The following GLIPR1 variants were observed in gnomAD, a reference collection of about 807,000 sequenced individuals.
GLIPR1 encodes glioma pathogenesis-related protein 1.
A neutral mutation model predicts 30.3 loss-of-function variants in GLIPR1; 38 were observed. The observed-to-expected ratio is 1.26, with a 90% CI of 0.97 to 1.65. GLIPR1 has a LOEUF of 1.65. Ranked by LOEUF, GLIPR1 falls within the 40% of genes most tolerant of loss-of-function variation. The pLI is 0.00. For synonymous variants in GLIPR1, 122 were observed against 110.6 expected (o/e 1.10, Z -0.65); for missense variants, 285 against 326.5 (o/e 0.87, Z 0.98).
chr12:75,501,984 G>A lies in GLIPR1; in HGVS notation c.*3006G>A. On this transcript the variant is annotated 3_prime_UTR_variant, in exon 6 of 6. Coordinates refer to ENST00000266659, the MANE Select transcript of GLIPR1 (RefSeq NM_006851.3). The stretch of plus-strand genomic sequence containing the variant: ...TGCCTTCAAAAAGTATTCACCACTA[G>A]CCAATTCTTTATCGATCTGTTGAAA... The A allele has an allele frequency of 6.2e-7, 1 of 1,611,408 alleles. No individual in the cohort carries two copies. The highest frequency in any genetic ancestry group is 8.5e-7 in the Non-Finnish European group (1 of 1,178,646).
chr12:75,488,300 G>A (rs558247639), intron 2 of GLIPR1, among the ~76,000 whole-genome samples: 78 of 152,306 alleles, frequency 5.1e-4, no homozygotes, highest in African/African-American at 1.6e-3. Context: ...CACTTTGGGA[G>A]GCCGAGGCAG....
intron 4 of GLIPR1, chr12:75,497,261 A>T (rs543373598): frequency 6.6e-6 from 1 of 152,296 alleles, no homozygotes; most frequent in South Asian, 2.1e-4. Context: ...TGACAAAAAT[A>T]CTTCTGGTTT....
intron 2 of GLIPR1, among the ~76,000 whole-genome samples, chr12:75,482,777 T>C (rs942971478): frequency 1.3e-5 from 2 of 151,904 alleles, no homozygotes; most frequent in African/African-American, 4.8e-5. Flanking sequence ...ACCTCACATT[T>C]GCAGCATGAT....
Position 75,501,538 on chromosome 12 carries a change from T to C in GLIPR1, c.*2560T>C, listed in dbSNP as rs915341336. 3 of 562,992 alleles carry C rather than the reference T, an allele frequency of 5.3e-6. No individual in the cohort carries two copies. Among genetic ancestry groups the C allele is most frequent in the Non-Finnish European group, 9.4e-6 (3 of 318,542 alleles). 34.9% of individuals were successfully genotyped at this position (562,992 alleles called of 1,614,324 possible). On this transcript the variant is annotated 3_prime_UTR_variant, in exon 6 of 6. Transcript: ENST00000266659. ...ACTGTCAATCCAGTTTGCACTGAAA[T>C]AGGCATTAGCTGCCTCTAAATTATA...
chr12:75,482,129 A>C, intron 2 of GLIPR1, 50 bp downstream of exon 2: 1 of 1,528,214 alleles, frequency 6.5e-7, no homozygotes, highest in East Asian at 2.3e-5. Context: ...AAGTATGAGG[A>C]GAAAAATTGT....
intron 3 of GLIPR1, chr12:75,493,877 T>A (rs2046336242): frequency 1.3e-5 from 2 of 152,214 alleles, no homozygotes; most frequent in Non-Finnish European, 2.9e-5. Context: ...TTTAGCTTAT[T>A]TTTAAGTAGC....
chr12:75,490,235 C>CACACA (rs1566097391), intron 2 of GLIPR1, among the ~76,000 whole-genome samples, 171 bp from the exon 3 acceptor site: 1 of 109,630 alleles, frequency 9.1e-6, no homozygotes, highest in African/African-American at 3.4e-5. Context: ...ACACACACAC[C>CACACA]CCAATAATGG....
chr12:75,483,518 T>C (rs2046280743), intron 2 of GLIPR1: 2 of 152,194 alleles, frequency 1.3e-5, no homozygotes, highest in South Asian at 4.1e-4. Flanking sequence ...AAATAGGGAA[T>C]GAGCCAGGGA....
rs1401828571 is a variant in GLIPR1 at position 75,502,872 on chromosome 12, T to A, written c.*3894T>A. ...GTTTAATGACTGCATCACTCCACTT[T>A]CCCCCTAACTACTATCAATTTCCTC... On this transcript the variant is annotated 3_prime_UTR_variant, in exon 6 of 6. Coordinates refer to ENST00000266659, the MANE Select transcript of GLIPR1 (RefSeq NM_006851.3). 6.6e-6 allele frequency: 1 copy of A among 152,004 alleles called. No individual in the cohort carries two copies. The highest frequency in any genetic ancestry group is 1.5e-5 in the Non-Finnish European group (1 of 67,926). 9.4% of individuals were successfully genotyped at this position (152,004 alleles called of 1,614,324 possible).
intron 1 of GLIPR1, 160 bp downstream of exon 1, chr12:75,481,214 GCT>G: frequency 1.9e-6 from 1 of 525,174 alleles, no homozygotes; most frequent in East Asian, 3.2e-5. Context: ...ATCCAGTTTA[GCT>G]CTGTCTACCC....
In GLIPR1 at chr12:75,499,642, A is replaced by C; in HGVS notation, c.*664A>C. 1 of 372,006 alleles carries C rather than the reference A, an allele frequency of 2.7e-6. No individual in the cohort carries two copies. The highest frequency in any genetic ancestry group is 4.8e-5 in the East Asian group (1 of 20,970). The allele number at this position is 372,006 out of a possible 1,614,324, so 23.0% of individuals were successfully genotyped here. A position where few individuals can be genotyped will look rare whatever the true frequency, so the allele number is the denominator to read the frequency against. ...ACTTTCTCGTATAAATTTTTCAAAA[A>C]ATACAATAATAATATAATTTATAAA... On this transcript the variant is annotated 3_prime_UTR_variant, in exon 6 of 6. Transcript: ENST00000266659.
intron 3 of GLIPR1, chr12:75,493,425 A>AATC (rs1235017348): frequency 6.6e-6 from 1 of 152,162 alleles, no homozygotes; most frequent in East Asian, 1.9e-4. Flanking sequence ...TGGGATGCTT[A>AATC]ATCTTCCAGT....
chr12:75,499,771 C>T lies in GLIPR1; in HGVS notation c.*793C>T. 1 of 1,486,674 alleles carries T rather than the reference C, an allele frequency of 6.7e-7. No individual in the cohort carries two copies. The highest frequency in any genetic ancestry group is 9.0e-7 in the Non-Finnish European group (1 of 1,110,554). 92.1% of individuals were successfully genotyped at this position (1,486,674 alleles called of 1,614,324 possible). On this transcript the variant is annotated 3_prime_UTR_variant, in exon 6 of 6. Transcript: ENST00000266659. ...ATGCCTGATATCTCAAAATCCTTTA[C>T]AAAAGGAGATAGTTCTAGTCAAGGA...
chr12:75,488,245 G>A (rs1025965801), intron 2 of GLIPR1, among the ~76,000 whole-genome samples: 30 of 152,126 alleles, frequency 2.0e-4, no homozygotes, highest in African/African-American at 5.6e-4. Context: ...TATTCGAGAC[G>A]GAGTTGTTAG....
At chr12:75,489,069 T>A (rs997797317) in intron 2 of GLIPR1, among the ~76,000 whole-genome samples, 9 of 152,230 alleles carry the variant, frequency 5.9e-5, no homozygotes, top group Non-Finnish European at 1.0e-4. Context: ...CTTTAAATAC[T>A]CTCTTCTTTA....
At chr12:75,496,096 C>T (rs61933361) in intron 4 of GLIPR1, 35,583 of 149,696 alleles carry the variant, frequency 0.24, 4,482 homozygotes, top group Middle Eastern at 0.32. Flanking sequence ...CTCCATCTCA[C>T]GGGTTCAGGC....
chr12:75,489,850 A>C (rs1332931645), intron 2 of GLIPR1: 2 of 152,498 alleles, frequency 1.3e-5, no homozygotes, highest in African/African-American at 2.4e-5. Context: ...CATAGCACTC[A>C]CAAGAATCTC....
Position 75,495,588 on chromosome 12 carries a change from C to A in GLIPR1, c.545C>A (p.Pro182Gln). The change falls in exon 4 of 6, where the codon CCA becomes CAA. Residue 182 changes from proline to glutamine, a missense_variant. Pro to Gln is a moderately conservative substitution (Grantham distance 76). Transcript: ENST00000266659. Reference sequence around the variant, plus strand: ...CTTCTGCTTTACAGAGGGAATTACCCAACTTGGCCATATAAGAGAGGAGCC... The same window carrying A: ...CTTCTGCTTTACAGAGGGAATTACCAAACTTGGCCATATAAGAGAGGAGCC... ...ICNYGPGGNYPTWPYKRGATC... is the reference protein window; with the variant it reads ...ICNYGPGGNYQTWPYKRGATC... The A allele has an allele frequency of 1.2e-6, 2 of 1,601,822 alleles. No homozygotes were observed. The highest frequency in any genetic ancestry group is 1.1e-5 in the South Asian group (1 of 90,804).
At chr12:75,481,611 G>C (rs2046271320) in intron 1 of GLIPR1, among the ~76,000 whole-genome samples, 1 of 152,128 alleles carries the variant, frequency 6.6e-6, no homozygotes, top group Non-Finnish European at 1.5e-5. Flanking sequence ...TTAGCCTTCA[G>C]TGAAATGTCA....
Sources: allele counts gnomAD v4.1 joint callset (sites outside exome capture counted in the v4.1 genomes callset), GRCh38; gene constraint gnomAD v4.1.1; transcripts MANE v1.5; gene names NCBI Gene and HGNC (gene_info 2026-07-23, HGNC 2026-07-21).